ASAH1: variants seen among roughly 807,000 people sequenced by gnomAD.
The protein encoded by ASAH1 is acid ceramidase.
ASAH1 carries 70 observed loss-of-function variants against 59.5 expected under a neutral mutation model. The ratio of observed to expected loss-of-function variants is 1.18; its 90% CI spans 0.97 to 1.43. The LOEUF (loss-of-function observed/expected upper bound fraction) is 1.43. Among genes scored for constraint, ASAH1 ranks in the 40% most tolerant of loss-of-function variants. The pLI, the probability that ASAH1 is intolerant of heterozygous loss-of-function variation, is 0.00. For missense variants in ASAH1, 660 were observed against 482.5 expected (o/e 1.37, Z -3.45); for synonymous variants, 213 against 166.5 (o/e 1.28, Z -2.15).
intron 12 of ASAH1, 105 bp downstream of exon 12, chr8:18,059,236 A>C: frequency 6.4e-7 from 1 of 1,565,612 alleles, no homozygotes; most frequent in Non-Finnish European, 8.7e-7. Context: ...GATACTATGA[A>C]AAATAGGACG....
At chr8:18,082,163 A>T (rs973764219) in intron 1 of ASAH1, among the ~76,000 whole-genome samples, 2 of 152,246 alleles carry the variant, frequency 1.3e-5, no homozygotes, top group African/African-American at 4.8e-5. Context: ...CCAAAGTGAC[A>T]CCAGTGGCCA....
Position 18,059,571 on chromosome 8 carries a change from C to T in ASAH1, c.917+1G>A, listed in dbSNP as rs1386348157. 3 of 1,614,080 alleles carry T rather than the reference C, an allele frequency of 1.9e-6. No homozygotes were observed. The highest frequency in any genetic ancestry group is 2.7e-5 in the African/African-American group (2 of 74,930). ...TCTTTTGCTTTAACAAACCTACTTA[C>T]TCATATACATCCAATGATTCCTTTC... On this transcript the variant is annotated splice_donor_variant, in intron 11 of 13. Transcript: ENST00000637790. LOFTEE classifies it high-confidence loss of function.
chr8:18,059,419 A>G lies in ASAH1; in HGVS notation c.963T>C (p.Tyr321=), dbSNP rs1364473788. 1.2e-6 allele frequency: 2 copies of G among 1,614,114 alleles called. No homozygotes were observed. The highest frequency in any genetic ancestry group is 2.2e-5 in the East Asian group (1 of 44,898). ...GGAAGAAGGGATGTTTCCAACGGTC[A>G]TAATTTGTTTGTACCACATACCATC... ...QGRWYVVQTN[Y]DRWKHPFFLD... is the part of the protein sequence containing the mutation. Residue 321 remains tyrosine, a synonymous_variant, in exon 12 of 14, where the codon TAT becomes TAC. Transcript: ENST00000637790.
rs1799771854 is a variant in ASAH1, at chr8:18,062,998, T to G, written c.503+187A>C. 2.6e-5 allele frequency: 15 copies of G among 584,836 alleles called. No individual in the cohort carries two copies. In the East Asian group the frequency reaches 4.7e-4, roughly 18 times the overall value. 36.2% of individuals were successfully genotyped at this position (584,836 alleles called of 1,614,324 possible). A position where few individuals can be genotyped will look rare whatever the true frequency, so the allele number is the denominator to read the frequency against. On this transcript the variant is annotated intron_variant, in intron 7 of 13. Coordinates refer to ENST00000637790, the MANE Select transcript of ASAH1 (RefSeq NM_177924.5). ...AAAGTCTCTGCCTCAGGCTCCCAAG[T>G]AGCCGGGATTACAGATGCCCACCAC... is the stretch of plus-strand genomic sequence containing the variant.
Position 18,071,429 on chromosome 8 carries a change from G to A in ASAH1, c.126-39C>T. ...TGTATCATCTTGAAATGATGAAAGG[G>A]TTTTTTGTGAGGGTCAGTTAGATAC... On this transcript the variant is annotated intron_variant, in intron 2 of 13. Coordinates refer to ENST00000637790, the MANE Select transcript of ASAH1 (RefSeq NM_177924.5). The A allele has an allele frequency of 4.5e-6, 6 of 1,327,990 alleles. No individual in the cohort carries two copies. The South Asian group carries it at 7.4e-5, about 16-fold the overall frequency. The allele number at this position is 1,327,990 out of a possible 1,614,324, so 82.3% of individuals were successfully genotyped here.
chr8:18,062,688 C>A, intron 7 of ASAH1: 6 of 473,790 alleles, frequency 1.3e-5, no homozygotes, highest in South Asian at 8.6e-5. Context: ...TTACAATATT[C>A]TTATTTTTTC....
intron 8 of ASAH1, 60 bp from the exon 9 acceptor site, chr8:18,061,800 C>A: frequency 1.4e-6 from 2 of 1,459,454 alleles, no homozygotes; most frequent in South Asian, 2.4e-5. Context: ...AAGGCCCTGT[C>A]GCTCACTGTA....
chr8:18,059,173 T>C, intron 12 of ASAH1, 168 bp downstream of exon 12: 1 of 1,036,358 alleles, frequency 9.6e-7, no homozygotes, highest in Non-Finnish European at 1.4e-6. Context: ...CAGCACAATT[T>C]TGCTCTTTAA....
At chr8:18,069,730 A>T (rs1800079017) in intron 4 of ASAH1, 62 bp downstream of exon 4, 2 of 1,252,294 alleles carry the variant, frequency 1.6e-6, no homozygotes, top group South Asian at 1.2e-5. Context: ...TTATGCCTTT[A>T]AATAAATAAC....
intron 1 of ASAH1, 38 bp downstream of exon 1, chr8:18,083,943 G>T (rs746203393): frequency 6.3e-7 from 1 of 1,585,488 alleles, no homozygotes; most frequent in Admixed American, 1.7e-5. Context: ...GCCCGCACCT[G>T]CACGCCCCTC....
At chr8:18,063,060 G>A in intron 7 of ASAH1, 125 bp downstream of exon 7, 3 of 825,336 alleles carry the variant, frequency 3.6e-6, no homozygotes, top group Non-Finnish European at 6.1e-6. Flanking sequence ...AGTAGAGACG[G>A]GGTTTCACCA....
chr8:18,057,593 T>A lies in ASAH1; in HGVS notation c.1129A>T (p.Thr377Ser). The change falls in exon 14 of 14, where the codon ACC becomes TCC. Residue 377 changes from threonine (T) to serine (S), a missense_variant. Transcript: ENST00000637790. ...AGGTAAGTTTCGAATTGACCTTTGG[T>A]AACATCTATCAAGGTTGTGTATACG... is the stretch of plus-strand genomic sequence containing the variant. ...LTVYTTLIDV[T>S]KGQFETYLRD... 6.2e-7 allele frequency: 1 copy of A among 1,604,580 alleles called. No individual in the cohort carries two copies. Among genetic ancestry groups the A allele is most frequent in the Non-Finnish European group, 8.5e-7 (1 of 1,173,788 alleles).
rs1165508121 is a variant in ASAH1, at chr8:18,069,815, T to C, written c.280A>G (p.Met94Val). The stretch of plus-strand genomic sequence containing the variant: ...ACCAATTTTTCATCCACCACCTGCA[T>C]AATTTTTCCACTTGGCACGAATGTA... ...INTFVPSGKI[M>V]QVVDEKLPGL... is the part of the protein sequence containing the mutation. Residue 94 changes from methionine to valine, a missense_variant, in exon 4 of 14, where the codon ATG (methionine) becomes GTG (valine). Coordinates refer to ENST00000637790, the MANE Select transcript of ASAH1 (RefSeq NM_177924.5). The C allele has an allele frequency of 5.7e-6, 9 of 1,588,340 alleles. No individual in the cohort carries two copies. Among genetic ancestry groups the C allele is most frequent in the Non-Finnish European group, 6.9e-6 (8 of 1,157,734 alleles).
At chr8:18,059,797 C>T (rs1030351875) in intron 10 of ASAH1, 94 bp from the exon 11 acceptor site, 35 of 1,298,436 alleles carry the variant, frequency 2.7e-5, no homozygotes, top group Admixed American at 2.0e-4. Context: ...AGTTCTGGGA[C>T]ACATGTGCTG....
intron 1 of ASAH1, among the ~76,000 whole-genome samples, chr8:18,079,025 C>T (rs969544143): frequency 2.0e-5 from 3 of 152,112 alleles, no homozygotes; most frequent in African/African-American, 7.2e-5. Flanking sequence ...GCCTGTAATT[C>T]CAGCACCTTG....
intron 3 of ASAH1, among the ~76,000 whole-genome samples, chr8:18,070,612 G>C (rs1564546316): frequency 6.6e-6 from 1 of 152,176 alleles, no homozygotes; most frequent in South Asian, 2.1e-4. Context: ...AATACAGTAA[G>C]TCTAATTTTA....
intron 1 of ASAH1, chr8:18,083,521 GACC>G (rs1800749943): frequency 4.9e-6 from 1 of 205,698 alleles, no homozygotes; most frequent in Admixed American, 5.5e-5. Context: ...CCAAGCTTGG[GACC>G]ACTCAGCGTT....
chr8:18,061,978 A>G (rs891764079), intron 8 of ASAH1: 1 of 623,186 alleles, frequency 1.6e-6, no homozygotes, highest in East Asian at 2.8e-5. Flanking sequence ...TGAAGGGCAG[A>G]GAATGAACGC....
upstream of ASAH1, chr8:18,084,538 TG>T (rs1453731343): frequency 3.1e-5 from 45 of 1,454,314 alleles, no homozygotes; most frequent in Non-Finnish European, 9.4e-7. Flanking sequence ...GACCCATCTT[TG>T]CCCTCTGAGA....
Sources: gnomAD v4.1 joint callset for allele counts (sites outside exome capture counted in the v4.1 genomes callset) on GRCh38, gnomAD v4.1.1 for gene constraint, MANE v1.5 for transcripts, NCBI Gene and HGNC (gene_info 2026-07-23, HGNC 2026-07-21) for gene names.